Variants in SDHAF4 observed in about 807,000 individuals in gnomAD.
The protein encoded by SDHAF4 is succinate dehydrogenase assembly factor 4, mitochondrial.
In SDHAF4, 14 loss-of-function variants were observed where a neutral mutation model predicts 14.3. The ratio of observed to expected loss-of-function variants is 0.98; its 90% confidence interval spans 0.65 to 1.53. SDHAF4 has a LOEUF of 1.53. Among genes scored for constraint, SDHAF4 ranks in the 40% most tolerant of loss-of-function variants. The probability of loss-of-function intolerance (pLI) is 0.00; values close to 1 mark genes in which losing one functional copy is unlikely to be tolerated. For missense variants in SDHAF4, 141 were observed against 129.3 expected (o/e 1.09, Z -0.44); for synonymous variants, 63 against 47.3 (o/e 1.33, Z -1.36).
chr6:70,584,377 C>G (rs551230638), intron 2 of SDHAF4, among the ~76,000 whole-genome samples: 43 of 152,212 alleles, frequency 2.8e-4, no homozygotes, highest in Non-Finnish European at 5.4e-4. Flanking sequence ...AGTTCTGTCC[C>G]CTAAAGAGGT....
At chr6:70,573,947 A>G (rs1403425758) in intron 1 of SDHAF4, among the ~76,000 whole-genome samples, 1 of 151,976 alleles carries the variant, frequency 6.6e-6, no homozygotes, top group Non-Finnish European at 1.5e-5. Context: ...AAGTGCTGGA[A>G]TTATAGGTGT....
intron 2 of SDHAF4, among the ~76,000 whole-genome samples, chr6:70,587,634 C>G (rs1581932844): frequency 6.6e-6 from 1 of 152,200 alleles, no homozygotes; most frequent in Non-Finnish European, 1.5e-5. Flanking sequence ...TCAGTTTTAT[C>G]ACTTAGAAGC....
intron 1 of SDHAF4, among the ~76,000 whole-genome samples, chr6:70,577,671 A>G (rs557624173): frequency 6.6e-6 from 1 of 152,312 alleles, no homozygotes; most frequent in African/African-American, 2.4e-5. Context: ...GGTAATGAGC[A>G]TAGTACCTAA....
At chr6:70,572,825 T>C (rs75151002) in intron 1 of SDHAF4, among the ~76,000 whole-genome samples, 3,865 of 152,286 alleles carry the variant, frequency 0.025, 172 homozygotes, top group African/African-American at 0.089. Flanking sequence ...TGTGTGCACA[T>C]GCATGCACAG....
intron 1 of SDHAF4, among the ~76,000 whole-genome samples, chr6:70,570,054 G>T (rs9455163): frequency 0.2 from 30,258 of 151,788 alleles, 3,274 homozygotes; most frequent in African/African-American, 0.28. Flanking sequence ...TATACATATA[G>T]GCATACGTTT....
intron 2 of SDHAF4, among the ~76,000 whole-genome samples, chr6:70,583,663 C>T (rs1488126522): frequency 6.6e-6 from 1 of 152,168 alleles, no homozygotes; most frequent in East Asian, 1.9e-4. Flanking sequence ...ACACTAACAA[C>T]AGCTGATGAG....
At chr6:70,576,367 T>G (rs911668938) in intron 1 of SDHAF4, among the ~76,000 whole-genome samples, 1 of 152,360 alleles carries the variant, frequency 6.6e-6, no homozygotes, top group Non-Finnish European at 1.5e-5. Context: ...TTTCTACAGA[T>G]AAAGTCCTTC....
At chr6:70,582,029 C>T (rs1765137592) in intron 2 of SDHAF4, among the ~76,000 whole-genome samples, 3 of 152,124 alleles carry the variant, frequency 2.0e-5, no homozygotes, top group Admixed American at 6.5e-5. Context: ...TTCTTAGCCC[C>T]CTAAGTATTC....
intron 1 of SDHAF4, among the ~76,000 whole-genome samples, chr6:70,574,789 A>C (rs893075480): frequency 1.3e-5 from 2 of 152,064 alleles, no homozygotes; most frequent in East Asian, 1.9e-4. Context: ...TTAGCTGGGC[A>C]TGGTGTTGTG....
chr6:70,598,308 G>A, the SDHAF4 span, among the ~76,000 whole-genome samples: 2 of 152,274 alleles, frequency 1.3e-5, no homozygotes, highest in Admixed American at 1.3e-4. Flanking sequence ...GAACCCAGGA[G>A]GCAGAGGTTG....
At chr6:70,569,749 A>G (rs989737297) in intron 1 of SDHAF4, among the ~76,000 whole-genome samples, 5 of 152,168 alleles carry the variant, frequency 3.3e-5, no homozygotes, top group Non-Finnish European at 7.4e-5. Context: ...AATTTTATCT[A>G]TAAAATTTTG....
chr6:70,567,512 G>A (rs1445368939), intron 1 of SDHAF4: 1 of 153,442 alleles, frequency 6.5e-6, no homozygotes, highest in South Asian at 2.0e-4. Context: ...GTGAGCCAAA[G>A]GCAAATAAGT....
rs1436098615 is a variant in SDHAF4 at position 70,571,028 on chromosome 6, G to C, written c.64+4024G>C. On this transcript the variant is annotated intron_variant, in intron 1 of 2. Coordinates refer to ENST00000370474, the MANE Select transcript of SDHAF4 (RefSeq NM_145267.3). ...CATGGAACATGAAAAAAAAAATATG[G>C]TATTAGCTACAGTTATACCCTTTTT... 1.3e-5 allele frequency among the ~76,000 whole-genome samples: 2 copies of C among 152,020 alleles called. 1 individual carries two copies. Among genetic ancestry groups the C allele is most frequent in the South Asian group, 4.1e-4 (2 of 4,830 alleles).
chr6:70,588,579 C>A, intron 2 of SDHAF4, 36 bp from the exon 3 acceptor site: 1 of 1,074,554 alleles, frequency 9.3e-7, no homozygotes, highest in Non-Finnish European at 1.4e-6. Flanking sequence ...TTTCCTGCCT[C>A]CATTAACTGC....
At chr6:70,577,219 A>G (rs577456595) in intron 1 of SDHAF4, among the ~76,000 whole-genome samples, 7 of 152,258 alleles carry the variant, frequency 4.6e-5, no homozygotes, top group Non-Finnish European at 1.0e-4. Flanking sequence ...CTGATTAGCC[A>G]CCTTAATTCT....
In SDHAF4 at chr6:70,571,645, C is replaced by T. The variant is rs142774533; in HGVS notation, c.64+4641C>T. Among the ~76,000 whole-genome samples, 476 of 152,272 alleles carry T rather than the reference C, an allele frequency of 3.1e-3. 3 individuals are homozygous for T. The highest frequency in any genetic ancestry group is 0.011 in the African/African-American group (451 of 41,558). Reference sequence around the variant, plus strand: ...GTTTTAATATTAAGGTTATTCTAGCCTCATATAATGTACTGGGGATTCTAC... The same window carrying T: ...GTTTTAATATTAAGGTTATTCTAGCTTCATATAATGTACTGGGGATTCTAC... On this transcript the variant is annotated intron_variant, in intron 1 of 2. Transcript: ENST00000370474.
intron 2 of SDHAF4, among the ~76,000 whole-genome samples, chr6:70,586,879 G>T (rs1765206984): frequency 2.6e-5 from 4 of 152,074 alleles, no homozygotes; most frequent in Admixed American, 6.5e-5. Flanking sequence ...AAGAATTAGG[G>T]GCCAGGCGGC....
intron 2 of SDHAF4, among the ~76,000 whole-genome samples, chr6:70,581,179 C>G (rs1268384619): frequency 6.6e-6 from 1 of 152,046 alleles, no homozygotes; most frequent in Admixed American, 6.5e-5. Context: ...ACCAACCCCC[C>G]TCGGCCTCCC....
chr6:70,571,271 C>T (rs544675597), intron 1 of SDHAF4, among the ~76,000 whole-genome samples: 10 of 152,114 alleles, frequency 6.6e-5, no homozygotes, highest in Admixed American at 3.3e-4. Context: ...TAGTGAATCA[C>T]TTGCATTCCT....
Sources: gnomAD v4.1 joint callset for allele counts (sites outside exome capture counted in the v4.1 genomes callset) on GRCh38, gnomAD v4.1.1 for gene constraint, MANE v1.5 for transcripts, NCBI Gene and HGNC (gene_info 2026-07-23, HGNC 2026-07-21) for gene names.